ELMOD1: variants seen among roughly 807,000 people sequenced by gnomAD.
ELMOD1 encodes ELMO domain-containing protein 1.
A neutral mutation model predicts 46.7 loss-of-function variants in ELMOD1; 21 were observed. The observed-to-expected ratio is 0.45, with a 90% CI of 0.32 to 0.65. ELMOD1 has a LOEUF of 0.65. Among genes scored for constraint, ELMOD1 ranks in the 30% least tolerant of loss-of-function variants. The pLI, the probability that ELMOD1 is intolerant of heterozygous loss-of-function variation, is 0.04. For missense variants in ELMOD1, 348 were observed against 407.8 expected (o/e 0.85, Z 1.26); for synonymous variants, 122 against 138.2 (o/e 0.88, Z 0.82).
At chr11:107,654,598 T>A (rs1363481074) in intron 10 of ELMOD1, among the ~76,000 whole-genome samples, 2 of 151,854 alleles carry the variant, frequency 1.3e-5, no homozygotes, top group African/African-American at 4.8e-5. Context: ...TGAAACCCCG[T>A]CTCTACTAAA....
intron 1 of ELMOD1, among the ~76,000 whole-genome samples, chr11:107,599,967 G>A (rs906380408): frequency 2.6e-5 from 4 of 151,874 alleles, no homozygotes; most frequent in African/African-American, 9.7e-5. Flanking sequence ...ACCAATTCAG[G>A]TGCTAATTAT....
intron 11 of ELMOD1, among the ~76,000 whole-genome samples, chr11:107,658,662 C>G (rs1866675433): frequency 6.6e-6 from 1 of 152,206 alleles, no homozygotes. Context: ...GTTGCCGGCA[C>G]AGTGGCTCAC....
At chr11:107,661,960 T>G (rs1452887044) in intron 11 of ELMOD1, among the ~76,000 whole-genome samples, 1 of 152,180 alleles carries the variant, frequency 6.6e-6, no homozygotes, top group African/African-American at 2.4e-5. Context: ...ATAGCTAGTA[T>G]GACAACCAGA....
chr11:107,663,432 G>A (rs2135721317), intron 11 of ELMOD1, among the ~76,000 whole-genome samples: 1 of 152,150 alleles, frequency 6.6e-6, no homozygotes. Flanking sequence ...ATCACATGAG[G>A]CCAGGAGTTC....
intron 2 of ELMOD1, among the ~76,000 whole-genome samples, chr11:107,620,988 G>A (rs1241610639): frequency 1.3e-5 from 2 of 152,154 alleles, no homozygotes; most frequent in Non-Finnish European, 2.9e-5. Flanking sequence ...AAAGCTTAGG[G>A]TTTCATTTTT....
intron 1 of ELMOD1, among the ~76,000 whole-genome samples, chr11:107,603,789 A>T (rs1230044176): frequency 6.6e-6 from 1 of 151,004 alleles, no homozygotes; most frequent in Non-Finnish European, 1.5e-5. Flanking sequence ...GAGGCAGGAG[A>T]ATTGCTTGAA....
At chr11:107,628,145 G>C (rs1162721202) in intron 2 of ELMOD1, among the ~76,000 whole-genome samples, 1 of 150,924 alleles carries the variant, frequency 6.6e-6, no homozygotes, top group East Asian at 1.9e-4. Context: ...TTTTCCAAGA[G>C]AGCAAGCTGA....
At chr11:107,593,480 C>G (rs189933740) in intron 1 of ELMOD1, among the ~76,000 whole-genome samples, 1 of 152,224 alleles carries the variant, frequency 6.6e-6, no homozygotes, top group East Asian at 1.9e-4. Context: ...TTTCTTAAAG[C>G]ACGTTACTGA....
chr11:107,650,813 T>A, intron 8 of ELMOD1, 72 bp from the exon 9 acceptor site: 1 of 985,828 alleles, frequency 1.0e-6, no homozygotes, highest in South Asian at 1.7e-5. Flanking sequence ...CTTTCTTTCT[T>A]GTAAAATTCT....
intron 11 of ELMOD1, among the ~76,000 whole-genome samples, chr11:107,663,664 C>T (rs1433130657): frequency 6.6e-6 from 1 of 151,958 alleles, no homozygotes; most frequent in East Asian, 1.9e-4. Flanking sequence ...GTGTTGGGGG[C>T]AGTGAAGGTC....
Position 107,631,492 on chromosome 11 carries a change from A to T in ELMOD1, c.193-88A>T, listed in dbSNP as rs142435537. 1.7e-3 allele frequency: 953 copies of T among 564,446 alleles called. 1 individual carries two copies. The highest frequency in any genetic ancestry group is 2.2e-3 in the Non-Finnish European group (798 of 364,614). 35.0% of individuals were successfully genotyped at this position (564,446 alleles called of 1,614,324 possible). On this transcript the variant is annotated intron_variant, in intron 4 of 11. Transcript: ENST00000265840. ...ACTTAAGTCTTCATATAGAAGCTTA[A>T]GCAAATGTTTGAAGCCTCTATCCCA... is the stretch of plus-strand genomic sequence containing the variant.
At chr11:107,660,190 C>G (rs145180434) in intron 11 of ELMOD1, among the ~76,000 whole-genome samples, 8 of 152,270 alleles carry the variant, frequency 5.3e-5, no homozygotes, top group African/African-American at 1.9e-4. Flanking sequence ...TGTCTCTGCT[C>G]TCTACTAACC....
intron 2 of ELMOD1, among the ~76,000 whole-genome samples, chr11:107,629,447 G>T (rs1042240249): frequency 6.6e-6 from 1 of 152,178 alleles, no homozygotes; most frequent in Non-Finnish European, 1.5e-5. Flanking sequence ...AAAATAGGTT[G>T]ACTATATAAG....
At chr11:107,647,679 T>A (rs1866455720) in intron 7 of ELMOD1, 78 bp downstream of exon 7, 39 of 1,448,264 alleles carry the variant, frequency 2.7e-5, no homozygotes, top group Non-Finnish European at 3.6e-5. Context: ...AGTTGAGTAA[T>A]TAGCTTCAAA....
chr11:107,638,278 C>T (rs1038613019), intron 6 of ELMOD1, among the ~76,000 whole-genome samples: 4 of 152,112 alleles, frequency 2.6e-5, no homozygotes, highest in Non-Finnish European at 4.4e-5. Flanking sequence ...GTTTCAAGTA[C>T]GATGATAAAA....
intron 2 of ELMOD1, chr11:107,620,271 C>T (rs988780835): frequency 1.7e-4 from 26 of 151,940 alleles, no homozygotes; most frequent in African/African-American, 6.3e-4. Flanking sequence ...ATGCACAGTC[C>T]CAGAAGAAAT....
In ELMOD1 at chr11:107,627,018, A is replaced by G. The variant is rs573344357; in HGVS notation, c.18-3399A>G. ...CACCCTGATGTTTCCATCTCTGACC[A>G]TGACCTGCCTGGACCAGGTTTATAA... On this transcript the variant is annotated intron_variant, in intron 2 of 11. Coordinates refer to ENST00000265840, the MANE Select transcript of ELMOD1 (RefSeq NM_018712.4). Among the ~76,000 whole-genome samples the G allele has an allele frequency of 2.6e-4, 39 of 152,314 alleles. No homozygotes were observed. In the East Asian group the frequency reaches 3.9e-3, roughly 15 times the overall value.
At chr11:107,645,245 G>A (rs1866407794) in intron 6 of ELMOD1, among the ~76,000 whole-genome samples, 1 of 149,838 alleles carries the variant, frequency 6.7e-6, no homozygotes, top group South Asian at 2.1e-4. Flanking sequence ...CCCTCTAAAG[G>A]ATTTTTTAAA....
intron 9 of ELMOD1, among the ~76,000 whole-genome samples, chr11:107,652,436 G>A (rs543430183): frequency 6.6e-6 from 1 of 152,114 alleles, no homozygotes. Flanking sequence ...CCCGACAAGG[G>A]GAATGCCATC....
Sources: gnomAD v4.1 joint callset for allele counts (sites outside exome capture counted in the v4.1 genomes callset) on GRCh38, gnomAD v4.1.1 for gene constraint, MANE v1.5 for transcripts, NCBI Gene and HGNC (gene_info 2026-07-23, HGNC 2026-07-21) for gene names.